The following CDH4 variants were observed in gnomAD, a reference collection of about 807,000 sequenced individuals.
CDH4 encodes the protein cadherin-4.
CDH4 carries 33 observed loss-of-function variants against 86.0 expected under a neutral mutation model. The ratio of observed to expected loss-of-function variants is 0.38; its 90% CI spans 0.29 to 0.51. CDH4 has a LOEUF of 0.51. Among genes scored for constraint, CDH4 ranks in the 20% least tolerant of loss-of-function variants. The probability of loss-of-function intolerance (pLI) is 0.86; values close to 1 mark genes in which losing one functional copy is unlikely to be tolerated. For synonymous variants in CDH4, 555 were observed against 549.4 expected, an observed-to-expected ratio of 1.01 and a Z score of -0.14; for missense variants, 1,114 against 1,307.4, an observed-to-expected ratio of 0.85 and a Z score of 2.28.
In CDH4 at chr20:61,937,353, C is replaced by A. The variant is rs6142888; in HGVS notation, c.*410C>A. The A allele has an allele frequency of 0.06, 9,426 of 156,922 alleles. 570 individuals carry two copies. Among genetic ancestry groups the A allele is most frequent in the East Asian group, 0.32 (1,734 of 5,360 alleles). The allele number at this position is 156,922 out of a possible 1,614,324, so 9.7% of individuals were successfully genotyped here. A position where few individuals can be genotyped will look rare whatever the true frequency, so the allele number is the denominator to read the frequency against. On this transcript the variant is annotated 3_prime_UTR_variant, in exon 16 of 16. Transcript: ENST00000614565. ...ACCGTCCCCACCTTCCCATCCCGAGCGGCCTCCAACCCCAGCTAGTCCCAG... is the reference window on the plus strand; with the variant it reads ...ACCGTCCCCACCTTCCCATCCCGAGAGGCCTCCAACCCCAGCTAGTCCCAG...
At chr20:61,450,134 CTTT>C (rs2085371992) in intron 2 of CDH4, among the ~76,000 whole-genome samples, 1 of 152,192 alleles carries the variant, frequency 6.6e-6, no homozygotes, top group Non-Finnish European at 1.5e-5. Flanking sequence ...TTAGTGGATT[CTTT>C]TAAGTCTTCT....
intron 2 of CDH4, among the ~76,000 whole-genome samples, chr20:61,537,696 TCTC>T (rs925197204): frequency 1.2e-4 from 19 of 152,008 alleles, no homozygotes; most frequent in African/African-American, 4.6e-4. Flanking sequence ...TTTAAGCCAT[TCTC>T]CTCCCTTTCT....
chr20:61,660,360 G>A (rs990327138), intron 2 of CDH4, among the ~76,000 whole-genome samples: 4 of 152,190 alleles, frequency 2.6e-5, no homozygotes, highest in Non-Finnish European at 5.9e-5. Flanking sequence ...TCACTTTGGT[G>A]CTCCTATGAA....
At position 61,422,458 on chromosome 20, in the gene CDH4, AAAAAAAAAACC is replaced by A. The variant is rs1555848615; in HGVS notation, c.169+167525_169+167535del. On this transcript the variant is annotated intron_variant, in intron 2 of 15. Transcript: ENST00000614565. ...AAAAAAAAAAAAAAAAAAAAAAAAA[AAAAAAAAAACC>A]AAATCTCCCCAAGTGTCTTCTTTAA... Among the ~76,000 whole-genome samples the A allele has an allele frequency of 2.9e-4, 17 of 57,768 alleles. 1 individual carries two copies. The highest frequency in any genetic ancestry group is 1.3e-3 in the African/African-American group (16 of 12,658). 37.9% of individuals were successfully genotyped at this position (57,768 alleles called of 152,430 possible).
intron 2 of CDH4, among the ~76,000 whole-genome samples, chr20:61,344,503 G>T (rs2084666204): frequency 6.6e-6 from 1 of 152,208 alleles, no homozygotes; most frequent in Non-Finnish European, 1.5e-5. Flanking sequence ...GCAACTTATT[G>T]AAGTTGTGTC....
chr20:61,813,783 C>T (rs140350020), intron 4 of CDH4, among the ~76,000 whole-genome samples: 2 of 152,280 alleles, frequency 1.3e-5, no homozygotes, highest in African/African-American at 4.8e-5. Context: ...AAGCTATGCC[C>T]AACTGCCAGG....
At chr20:61,332,270 T>C (rs1366752242) in intron 2 of CDH4, among the ~76,000 whole-genome samples, 1 of 152,198 alleles carries the variant, frequency 6.6e-6, no homozygotes, top group East Asian at 1.9e-4. Flanking sequence ...ACGGGTTTCC[T>C]TCTGGGTGTC....
In CDH4 at chr20:61,359,657, C is replaced by G. The variant is rs575375455; in HGVS notation, c.169+104720C>G. On this transcript the variant is annotated intron_variant, in intron 2 of 15. Transcript: ENST00000614565. ...GCATCACTCTCTTCTCTCCCACATC[C>G]TCCCTTTTTCAGCTTTAGCAAGAAA... Among the ~76,000 whole-genome samples, 62 of 152,304 alleles carry G rather than the reference C, an allele frequency of 4.1e-4. No individual in the cohort carries two copies. The East Asian group carries it at 0.012, about 29-fold the overall frequency.
intron 2 of CDH4, among the ~76,000 whole-genome samples, chr20:61,376,320 G>T (rs2084872284): frequency 6.6e-6 from 1 of 152,116 alleles, no homozygotes; most frequent in African/African-American, 2.4e-5. Context: ...GAATTCTGCT[G>T]TGTGGGATGT....
intron 2 of CDH4, among the ~76,000 whole-genome samples, chr20:61,319,902 C>T (rs1201594761): frequency 6.6e-6 from 1 of 151,440 alleles, no homozygotes; most frequent in Non-Finnish European, 1.5e-5. Context: ...ATGCAGTAAG[C>T]CGAGATTATG....
At chr20:61,271,266 A>C in intron 2 of CDH4, among the ~76,000 whole-genome samples, 1 of 152,204 alleles carries the variant, frequency 6.6e-6, no homozygotes, top group Admixed American at 6.5e-5. Context: ...TTGAGGGGAC[A>C]GCGCAAAGGT....
At chr20:61,499,530 G>T in intron 2 of CDH4, 1 of 1,288,160 alleles carries the variant, frequency 7.8e-7, no homozygotes, top group Non-Finnish European at 1.0e-6. Flanking sequence ...AGGGTTGTTT[G>T]TGGGCCACTT....
Position 61,552,497 on chromosome 20 carries a change from C to T in CDH4, c.170-191066C>T, listed in dbSNP as rs185343420. On this transcript the variant is annotated intron_variant, in intron 2 of 15. Transcript: ENST00000614565. ...GGCGGATCACCTGAGGTCAGGAGTTCGAGACCAGCCTGGCCAACATAGTGA... is the reference window on the plus strand; with the variant it reads ...GGCGGATCACCTGAGGTCAGGAGTTTGAGACCAGCCTGGCCAACATAGTGA... 3.2e-3 allele frequency among the ~76,000 whole-genome samples: 493 copies of T among 152,214 alleles called. 4 individuals carry two copies. The highest frequency in any genetic ancestry group is 0.015 in the Admixed American group (231 of 15,290).
At chr20:61,687,981 A>C (rs1423133199) in intron 2 of CDH4, among the ~76,000 whole-genome samples, 1 of 152,050 alleles carries the variant, frequency 6.6e-6, no homozygotes, top group Non-Finnish European at 1.5e-5. Flanking sequence ...TAACTTAGAT[A>C]TTATTATGAC....
intron 2 of CDH4, among the ~76,000 whole-genome samples, chr20:61,353,823 G>A (rs28398213): frequency 0.028 from 3,979 of 144,296 alleles, 87 homozygotes; most frequent in South Asian, 0.059. Context: ...AATGTGCCCC[G>A]TTAGAAACAT....
intron 2 of CDH4, among the ~76,000 whole-genome samples, chr20:61,374,419 G>A (rs189006359): frequency 2.6e-5 from 4 of 152,262 alleles, no homozygotes; most frequent in African/African-American, 7.2e-5. Context: ...GTCCTGAGAG[G>A]GTCTGGGAGG....
chr20:61,464,658 C>G (rs1297796697), intron 2 of CDH4, among the ~76,000 whole-genome samples: 1 of 152,216 alleles, frequency 6.6e-6, no homozygotes, highest in Non-Finnish European at 1.5e-5. Context: ...GCCAGTTGGA[C>G]TGTGAGGTCT....
At chr20:61,710,254 C>T (rs1486219082) in intron 2 of CDH4, among the ~76,000 whole-genome samples, 1 of 152,220 alleles carries the variant, frequency 6.6e-6, no homozygotes, top group Admixed American at 6.5e-5. Context: ...CCTCTGCTGG[C>T]AGCTGCCTGT....
chr20:61,559,858 C>T (rs1049607238), intron 2 of CDH4, among the ~76,000 whole-genome samples: 2 of 152,128 alleles, frequency 1.3e-5, no homozygotes, highest in Admixed American at 1.3e-4. Context: ...CTGGCCATGC[C>T]GCTGGCTTCC....
Sources: allele counts gnomAD v4.1 joint callset (sites outside exome capture counted in the v4.1 genomes callset), GRCh38; gene constraint gnomAD v4.1.1; transcripts MANE v1.5; gene names NCBI Gene and HGNC (gene_info 2026-07-23, HGNC 2026-07-21).